Variants in ARHGEF3 observed in about 807,000 individuals in gnomAD.
ARHGEF3 encodes the protein Rho guanine nucleotide exchange factor 3.
A neutral mutation model predicts 63.2 loss-of-function variants in ARHGEF3; 28 were observed. That is an observed-to-expected ratio of 0.44 (90% CI 0.33 to 0.61). ARHGEF3 has a LOEUF of 0.61. Among genes scored for constraint, ARHGEF3 ranks in the 20% least tolerant of loss-of-function variants. The pLI is 0.03. For synonymous variants in ARHGEF3, 266 were observed against 254.2 expected, an observed-to-expected ratio of 1.05 and a Z score of -0.44; for missense variants, 533 against 659.3, an observed-to-expected ratio of 0.81 and a Z score of 2.10.
intron 2 of ARHGEF3, among the ~76,000 whole-genome samples, chr3:56,961,143 T>C (rs888144928): frequency 6.7e-5 from 10 of 149,118 alleles, no homozygotes; most frequent in African/African-American, 2.4e-4. Flanking sequence ...TAGCTTATTA[T>C]GTTATAATGT....
chr3:56,862,222 C>T (rs1433382106), intron 4 of ARHGEF3, among the ~76,000 whole-genome samples: 1 of 151,510 alleles, frequency 6.6e-6, no homozygotes, highest in Non-Finnish European at 1.5e-5. Flanking sequence ...GTGAGAGATG[C>T]AACAAAAACC....
chr3:56,955,652 A>G (rs1178994000), intron 3 of ARHGEF3, among the ~76,000 whole-genome samples: 1 of 152,224 alleles, frequency 6.6e-6, no homozygotes, highest in Non-Finnish European at 1.5e-5. Flanking sequence ...AGTGTTCACA[A>G]AAAGCACACC....
chr3:57,069,488 C>T (rs1705763280), intron 1 of ARHGEF3, among the ~76,000 whole-genome samples: 1 of 151,980 alleles, frequency 6.6e-6, no homozygotes, highest in South Asian at 2.1e-4. Context: ...AATGTAGTTT[C>T]CCAGGTTGTT....
intron 3 of ARHGEF3, among the ~76,000 whole-genome samples, chr3:56,919,758 CAACAGTCCCAAAGTAGGCCTTATTATT>C (rs1373710651): frequency 3.3e-5 from 5 of 152,354 alleles, no homozygotes; most frequent in African/African-American, 9.6e-5. Context: ...GTGATCCTCA[CAACAGTCCCAAAGTAGGCCTTATTATT>C]ATCTTTCTTT....
intron 3 of ARHGEF3, among the ~76,000 whole-genome samples, chr3:56,936,555 C>T (rs561754060): frequency 3.9e-5 from 6 of 152,266 alleles, no homozygotes; most frequent in East Asian, 3.9e-4. Context: ...TGCAAGTAAC[C>T]GGCATCCCTT....
chr3:57,040,346 A>G (rs1424327149), intron 1 of ARHGEF3, among the ~76,000 whole-genome samples: 1 of 152,086 alleles, frequency 6.6e-6, no homozygotes, highest in Non-Finnish European at 1.5e-5. Flanking sequence ...CCGTGGTGGC[A>G]CGCACCTGTA....
chr3:56,801,254 C>G lies in ARHGEF3; in HGVS notation c.96+449G>C, dbSNP rs542720162. Among the ~76,000 whole-genome samples the G allele has an allele frequency of 6.6e-5, 10 of 152,348 alleles. No homozygotes were observed. In the East Asian group the frequency reaches 1.9e-3, roughly 29 times the overall value. On this transcript the variant is annotated intron_variant, in intron 1 of 9. Coordinates refer to ENST00000296315, the MANE Select transcript of ARHGEF3 (RefSeq NM_019555.3). Reference sequence around the variant, plus strand: ...AGTCTGACAGGTGAGAGGGCTGGTACGTCCCTCTGCTCTCACAACCCAGGC... The same window carrying G: ...AGTCTGACAGGTGAGAGGGCTGGTAGGTCCCTCTGCTCTCACAACCCAGGC...
At chr3:56,750,976 T>C (rs982673512) in intron 6 of ARHGEF3, 80 bp downstream of exon 6, 43 of 1,003,228 alleles carry the variant, frequency 4.3e-5, no homozygotes, top group Non-Finnish European at 5.5e-5. Context: ...AAAATAAAAA[T>C]AAAAAAAGTC....
At chr3:56,945,738 T>C (rs565914629) in intron 3 of ARHGEF3, among the ~76,000 whole-genome samples, 171 of 152,368 alleles carry the variant, frequency 1.1e-3, no homozygotes, top group African/African-American at 3.9e-3. Context: ...CAGAATCCTC[T>C]GCAGACTTAA....
At chr3:56,772,540 C>T (rs953738318) in intron 2 of ARHGEF3, among the ~76,000 whole-genome samples, 2 of 152,182 alleles carry the variant, frequency 1.3e-5, no homozygotes, top group South Asian at 2.1e-4. Flanking sequence ...CCAGGTGAGC[C>T]TTTTCATGGC....
intron 2 of ARHGEF3, chr3:57,007,378 C>T (rs1217831321): frequency 1.6e-6 from 2 of 1,286,034 alleles, no homozygotes; most frequent in East Asian, 5.6e-5. Flanking sequence ...ACTGCACGTG[C>T]CTTCTGCTGA....
chr3:56,995,665 GA>G, intron 2 of ARHGEF3, among the ~76,000 whole-genome samples: 1 of 122,836 alleles, frequency 8.1e-6, no homozygotes. Context: ...GAGAGAGAGA[GA>G]GAGAGAATTT....
Position 57,018,140 on chromosome 3 carries a change from G to C in ARHGEF3, c.62+16948C>G, listed in dbSNP as rs149873588. ...CTAAAAATAGAAAAATTAGCTGGGC[G>C]TGGTGGCATATGCCTGTAGTCCCAG... On this transcript the variant is annotated intron_variant, in intron 2 of 12. Transcript: ENST00000338458. Among the ~76,000 whole-genome samples, 1,102 of 152,154 alleles carry C rather than the reference G, an allele frequency of 7.2e-3. 19 individuals are homozygous for C. The highest frequency in any genetic ancestry group is 0.026 in the African/African-American group (1,060 of 41,524).
chr3:56,885,820 A>C (rs1419391314), intron 3 of ARHGEF3, among the ~76,000 whole-genome samples: 3 of 152,260 alleles, frequency 2.0e-5, no homozygotes, highest in Admixed American at 1.3e-4. Flanking sequence ...ATGAATTATG[A>C]AAATGAATTT....
intron 1 of ARHGEF3, among the ~76,000 whole-genome samples, chr3:56,793,172 T>G (rs1347312135): frequency 1.5e-5 from 1 of 68,326 alleles, no homozygotes; most frequent in Non-Finnish European, 4.0e-5. Flanking sequence ...CCCAGATAAT[T>G]TTTTTTTTTT....
At chr3:57,042,697 TA>T (rs1190912558) in intron 1 of ARHGEF3, among the ~76,000 whole-genome samples, 193 of 25,172 alleles carry the variant, frequency 7.7e-3, no homozygotes, top group Non-Finnish European at 0.01. Flanking sequence ...TATATATATA[TA>T]TATTTTTTTT....
intron 3 of ARHGEF3, among the ~76,000 whole-genome samples, chr3:56,893,988 C>G (rs1473894455): frequency 6.6e-6 from 1 of 152,054 alleles, no homozygotes; most frequent in African/African-American, 2.4e-5. Flanking sequence ...AGTATCAGAA[C>G]CGGTCACTCG....
At chr3:56,842,737 C>A (rs1458427910) in intron 4 of ARHGEF3, among the ~76,000 whole-genome samples, 1 of 152,152 alleles carries the variant, frequency 6.6e-6, no homozygotes, top group Non-Finnish European at 1.5e-5. Flanking sequence ...TGGCTCATCA[C>A]GGAACTCTCC....
chr3:57,073,936 C>T (rs1398690149), intron 1 of ARHGEF3: 3 of 1,614,200 alleles, frequency 1.9e-6, no homozygotes, highest in Non-Finnish European at 2.5e-6. Context: ...CAAAGTGAGA[C>T]CTGTCAGAGA....
Sources: gnomAD v4.1 joint callset for allele counts (sites outside exome capture counted in the v4.1 genomes callset) on GRCh38, gnomAD v4.1.1 for gene constraint, MANE v1.5 for transcripts, NCBI Gene and HGNC (gene_info 2026-07-23, HGNC 2026-07-21) for gene names.